MAP2: variants seen among roughly 807,000 people sequenced by gnomAD.
MAP2 encodes the protein microtubule-associated protein 2.
Under a neutral mutation model 137.6 loss-of-function variants are expected in MAP2, and 14 were observed. The ratio of observed to expected loss-of-function variants is 0.10; its 90% CI spans 0.07 to 0.16. The LOEUF is 0.16. MAP2 is among the 10% of genes least tolerant of loss of function. The pLI, the probability that MAP2 is intolerant of heterozygous loss-of-function variation, is 1.00. For missense variants in MAP2, 2,088 were observed against 2,191.5 expected (o/e 0.95, Z 0.94); for synonymous variants, 786 against 782.3 (o/e 1.00, Z -0.08).
intron 1 of MAP2, among the ~76,000 whole-genome samples, chr2:209,485,960 T>C (rs764591678): frequency 3.3e-5 from 5 of 152,184 alleles, no homozygotes; most frequent in Non-Finnish European, 7.3e-5. Context: ...GTTGCTTAAA[T>C]TGGGGATGGA....
intron 1 of MAP2, among the ~76,000 whole-genome samples, chr2:209,439,074 A>G (rs1697100690): frequency 1.3e-5 from 2 of 151,470 alleles, no homozygotes; most frequent in African/African-American, 4.8e-5. Context: ...ATACATGAAC[A>G]GTGTAATGCC....
At chr2:209,714,975 G>A (rs2153785637) in intron 13 of MAP2, among the ~76,000 whole-genome samples, 1 of 152,048 alleles carries the variant, frequency 6.6e-6, no homozygotes, top group East Asian at 1.9e-4. Context: ...TGTTTTCCAT[G>A]CCAAAGTTTT....
chr2:209,578,021 A>G (rs1415820690), intron 2 of MAP2, among the ~76,000 whole-genome samples: 1 of 152,212 alleles, frequency 6.6e-6, no homozygotes, highest in Non-Finnish European at 1.5e-5. Context: ...AAAATCAAAG[A>G]CAAAGGATGT....
intron 1 of MAP2, among the ~76,000 whole-genome samples, chr2:209,470,229 C>A (rs1052990477): frequency 1.3e-5 from 2 of 152,050 alleles, no homozygotes; most frequent in African/African-American, 4.8e-5. Flanking sequence ...AAATGCTATG[C>A]GGGAGAAGAT....
chr2:209,639,312 G>A (rs534042990), intron 4 of MAP2, among the ~76,000 whole-genome samples: 2 of 152,246 alleles, frequency 1.3e-5, no homozygotes, highest in Non-Finnish European at 2.9e-5. Context: ...AAACATACAT[G>A]TAAATAGATG....
chr2:209,719,978 G>A (rs767217017), intron 13 of MAP2, among the ~76,000 whole-genome samples: 7 of 152,112 alleles, frequency 4.6e-5, no homozygotes, highest in Non-Finnish European at 8.8e-5. Flanking sequence ...AGAATAATCT[G>A]TTACAGACTC....
chr2:209,669,987 G>A (rs1357919393), intron 5 of MAP2, among the ~76,000 whole-genome samples: 2 of 151,924 alleles, frequency 1.3e-5, no homozygotes, highest in African/African-American at 2.4e-5. Context: ...ACTTAATGAA[G>A]AGAATATAAT....
intron 4 of MAP2, among the ~76,000 whole-genome samples, chr2:209,645,090 G>A (rs2094329488): frequency 6.6e-6 from 1 of 152,114 alleles, no homozygotes; most frequent in African/African-American, 2.4e-5. Flanking sequence ...TATGTGCTCA[G>A]GAACTACTTT....
chr2:209,636,703 T>A (rs1458694380), intron 4 of MAP2, among the ~76,000 whole-genome samples: 1 of 152,034 alleles, frequency 6.6e-6, no homozygotes, highest in Non-Finnish European at 1.5e-5. Flanking sequence ...CACTGTAAGA[T>A]TTGACTGAAA....
chr2:209,546,462 C>CA (rs2068089576), intron 2 of MAP2, among the ~76,000 whole-genome samples: 1 of 152,156 alleles, frequency 6.6e-6, no homozygotes, highest in South Asian at 2.1e-4. Flanking sequence ...TCTGTGGAGT[C>CA]AGTGTCTGGA....
intron 1 of MAP2, among the ~76,000 whole-genome samples, chr2:209,463,749 T>C (rs572518569): frequency 6.6e-6 from 1 of 152,316 alleles, no homozygotes; most frequent in African/African-American, 2.4e-5. Flanking sequence ...ATCATTGAAA[T>C]AATCTATGGT....
intron 7 of MAP2, among the ~76,000 whole-genome samples, chr2:209,682,865 G>A (rs547165865): frequency 1.3e-5 from 2 of 152,188 alleles, no homozygotes; most frequent in Admixed American, 6.5e-5. Flanking sequence ...TGAATGCAGC[G>A]GGAAGCCTGA....
intron 1 of MAP2, among the ~76,000 whole-genome samples, chr2:209,470,712 A>G (rs1018308920): frequency 6.6e-6 from 1 of 152,122 alleles, no homozygotes; most frequent in Admixed American, 6.5e-5. Flanking sequence ...TTCTGAGGTC[A>G]GCTAGGGGCG....
intron 1 of MAP2, among the ~76,000 whole-genome samples, chr2:209,507,240 C>T (rs966971233): frequency 7.2e-5 from 11 of 152,138 alleles, no homozygotes; most frequent in Non-Finnish European, 1.6e-4. Context: ...GATTAAACAT[C>T]TCTTAAGAGC....
At chr2:209,429,138 A>G (rs886145350) in intron 1 of MAP2, among the ~76,000 whole-genome samples, 21 of 151,834 alleles carry the variant, frequency 1.4e-4, no homozygotes, top group African/African-American at 4.8e-4. Flanking sequence ...TATTTTTAGT[A>G]GAGACAGGGT....
chr2:209,620,512 C>G (rs2090813298), intron 3 of MAP2, among the ~76,000 whole-genome samples: 1 of 152,184 alleles, frequency 6.6e-6, no homozygotes, highest in Non-Finnish European at 1.5e-5. Context: ...AAAGAAAGAT[C>G]ATTCTCTGAT....
chr2:209,659,840 C>T (rs1307284906), intron 5 of MAP2, among the ~76,000 whole-genome samples: 1 of 151,926 alleles, frequency 6.6e-6, no homozygotes, highest in Non-Finnish European at 1.5e-5. Flanking sequence ...AGATTGGGAC[C>T]ATCCTGGCTA....
intron 1 of MAP2, among the ~76,000 whole-genome samples, chr2:209,472,072 T>C (rs1199436989): frequency 6.6e-6 from 1 of 152,192 alleles, no homozygotes; most frequent in Non-Finnish European, 1.5e-5. Flanking sequence ...ATCATGTAAC[T>C]ATTGATTTTT....
chr2:209,606,118 C>A (rs952054400), intron 3 of MAP2, among the ~76,000 whole-genome samples: 2 of 151,964 alleles, frequency 1.3e-5, no homozygotes, highest in Non-Finnish European at 2.9e-5. Context: ...GTAAAATAAT[C>A]TTCCTCACTC....
Sources: gnomAD v4.1 joint callset for allele counts (sites outside exome capture counted in the v4.1 genomes callset) on GRCh38, gnomAD v4.1.1 for gene constraint, MANE v1.5 for transcripts, NCBI Gene and HGNC (gene_info 2026-07-23, HGNC 2026-07-21) for gene names.